DNAAF11: variants seen among roughly 807,000 people sequenced by gnomAD.
DNAAF11 encodes the protein leucine rich repeat containing 6.
In DNAAF11, 45 loss-of-function variants were observed where a neutral mutation model predicts 60.8. The ratio of observed to expected loss-of-function variants is 0.74; its 90% CI spans 0.58 to 0.95. The LOEUF (loss-of-function observed/expected upper bound fraction) is 0.95, where lower values mean the gene tolerates loss of function less well. DNAAF11 is among the 40% of genes least tolerant of loss of function. DNAAF11 has a pLI of 0.00. For synonymous variants in DNAAF11, 191 were observed against 183.5 expected (o/e 1.04, Z -0.33); for missense variants, 546 against 546.2 (o/e 1.00, Z 0.00).
At chr8:132,696,873 A>T in the DNAAF11 span, among the ~76,000 whole-genome samples, 2 of 152,156 alleles carry the variant, frequency 1.3e-5, no homozygotes, top group African/African-American at 4.8e-5. Context: ...GGAACAGCAG[A>T]CACTGAGGCC....
chr8:132,588,494 G>A (rs1320620608), intron 10 of DNAAF11, among the ~76,000 whole-genome samples: 2 of 152,176 alleles, frequency 1.3e-5, no homozygotes, highest in African/African-American at 4.8e-5. Context: ...GCATAGGACT[G>A]AGAGGCAGAT....
At chr8:132,670,512 T>A (rs1191124133) in intron 1 of DNAAF11, among the ~76,000 whole-genome samples, 2 of 152,214 alleles carry the variant, frequency 1.3e-5, no homozygotes, top group Non-Finnish European at 2.9e-5. Context: ...ATGGCACAGA[T>A]GTCTCCTTTG....
chr8:132,667,167 T>C (rs1824719211), intron 1 of DNAAF11, among the ~76,000 whole-genome samples: 1 of 152,200 alleles, frequency 6.6e-6, no homozygotes, highest in Non-Finnish European at 1.5e-5. Context: ...ACCTAAGGGA[T>C]GGGATGTGTA....
At chr8:132,698,733 A>G in the DNAAF11 span, among the ~76,000 whole-genome samples, 1 of 152,018 alleles carries the variant, frequency 6.6e-6, no homozygotes, top group Admixed American at 6.6e-5. Context: ...CAGAACAGAG[A>G]GGAACCAAGA....
At chr8:132,603,757 T>C (rs548702486) in intron 10 of DNAAF11, among the ~76,000 whole-genome samples, 2 of 152,244 alleles carry the variant, frequency 1.3e-5, no homozygotes, top group South Asian at 4.1e-4. Context: ...TGTTCTGTCT[T>C]TGTTTTTTAA....
At chr8:132,575,830 C>T (rs1017336224) in intron 11 of DNAAF11, among the ~76,000 whole-genome samples, 3 of 152,036 alleles carry the variant, frequency 2.0e-5, no homozygotes, top group Non-Finnish European at 2.9e-5. Flanking sequence ...GGGGAAGGAG[C>T]GGGAGTGTCT....
the DNAAF11 span, among the ~76,000 whole-genome samples, chr8:132,686,631 C>T: frequency 3.0e-4 from 46 of 152,144 alleles, no homozygotes; most frequent in Non-Finnish European, 6.2e-4. Flanking sequence ...CCAGGTAGAT[C>T]ATGAGTCAGC....
At chr8:132,638,754 T>C (rs1056555510) in intron 3 of DNAAF11, among the ~76,000 whole-genome samples, 3 of 152,192 alleles carry the variant, frequency 2.0e-5, no homozygotes, top group African/African-American at 2.4e-5. Context: ...TAGGGTTTTA[T>C]AGTAAATCTG....
intron 11 of DNAAF11, among the ~76,000 whole-genome samples, chr8:132,575,300 C>A (rs1002779231): frequency 6.6e-6 from 1 of 152,108 alleles, no homozygotes; most frequent in Admixed American, 6.6e-5. Flanking sequence ...ATGTAAAGGA[C>A]GTAGAGAAGT....
At chr8:132,697,792 G>A in the DNAAF11 span, among the ~76,000 whole-genome samples, 5 of 152,198 alleles carry the variant, frequency 3.3e-5, no homozygotes, top group African/African-American at 1.2e-4. Flanking sequence ...GTATTTGCAC[G>A]TAGAAGCAGC....
upstream of DNAAF11, chr8:132,675,581 C>T: frequency 2.2e-6 from 3 of 1,372,992 alleles, no homozygotes; most frequent in Admixed American, 4.9e-5. Context: ...TCAGCGCGTC[C>T]CCGTCGGAAT....
intron 3 of DNAAF11, among the ~76,000 whole-genome samples, chr8:132,656,164 C>T (rs112698864): frequency 1.1e-4 from 16 of 152,254 alleles, no homozygotes; most frequent in East Asian, 3.9e-4. Flanking sequence ...CGTAGCCCCA[C>T]GCCCCCTTTC....
intron 3 of DNAAF11, chr8:132,643,454 G>A (rs1822055121): frequency 5.8e-6 from 2 of 343,076 alleles, no homozygotes; most frequent in Non-Finnish European, 1.2e-5. Flanking sequence ...GATAAGAAAG[G>A]CCAGAGATTA....
upstream of DNAAF11, among the ~76,000 whole-genome samples, chr8:132,680,421 T>C (rs1437613285): frequency 6.6e-6 from 1 of 152,204 alleles, no homozygotes; most frequent in Non-Finnish European, 1.5e-5. Flanking sequence ...ATAGTCCTCC[T>C]ACTTCTTTTA....
chr8:132,671,769 A>G (rs1354200810), intron 1 of DNAAF11, among the ~76,000 whole-genome samples: 1 of 152,100 alleles, frequency 6.6e-6, no homozygotes, highest in Non-Finnish European at 1.5e-5. Context: ...GAGAGAGCAT[A>G]GTCCTCAACA....
chr8:132,636,013 GA>G (rs1821259044), intron 4 of DNAAF11, among the ~76,000 whole-genome samples: 1 of 151,870 alleles, frequency 6.6e-6, no homozygotes, highest in Admixed American at 6.6e-5. Context: ...TCTTGAACTT[GA>G]ACGTCTGGCC....
chr8:132,643,440 G>GT, intron 3 of DNAAF11: 1 of 339,396 alleles, frequency 2.9e-6, no homozygotes, highest in Non-Finnish European at 5.8e-6. Flanking sequence ...GAGGAGGCAG[G>GT]TAGGATAAGA....
chr8:132,616,552 C>G (rs144776467), intron 7 of DNAAF11, among the ~76,000 whole-genome samples: 39 of 152,204 alleles, frequency 2.6e-4, no homozygotes, highest in African/African-American at 8.7e-4. Context: ...GGTTTCTGGT[C>G]TTAGCCAAGG....
chr8:132,616,210 G>A (rs1184363398), intron 7 of DNAAF11, among the ~76,000 whole-genome samples: 2 of 152,126 alleles, frequency 1.3e-5, no homozygotes, highest in Admixed American at 1.3e-4. Flanking sequence ...AATAAAGGTT[G>A]CATTCTCTGG....
Sources: gnomAD v4.1 joint callset for allele counts (sites outside exome capture counted in the v4.1 genomes callset) on GRCh38, gnomAD v4.1.1 for gene constraint, MANE v1.5 for transcripts, NCBI Gene and HGNC (gene_info 2026-07-23, HGNC 2026-07-21) for gene names.